TRIO: variants seen among roughly 807,000 people sequenced by gnomAD.
TRIO encodes triple functional domain protein.
In TRIO, 58 loss-of-function variants were observed where a neutral mutation model predicts 351.9. The ratio of observed to expected loss-of-function variants is 0.16; its 90% CI spans 0.13 to 0.21. The LOEUF (loss-of-function observed/expected upper bound fraction) is 0.21, where lower values mean the gene tolerates loss of function less well. TRIO is among the 10% of genes least tolerant of loss of function. The pLI is 1.00. For synonymous variants in TRIO, 1,758 were observed against 1,595.7 expected (o/e 1.10, Z -2.42); for missense variants, 3,201 against 4,027.8 (o/e 0.79, Z 5.56).
chr5:14,162,549 C>T (rs945829180), intron 1 of TRIO, among the ~76,000 whole-genome samples: 1 of 152,170 alleles, frequency 6.6e-6, no homozygotes, highest in African/African-American at 2.4e-5. Context: ...TATGTGAAAG[C>T]ATTTTAGGAG....
chr5:14,220,509 A>G (rs1190147626), intron 1 of TRIO, among the ~76,000 whole-genome samples: 2 of 152,268 alleles, frequency 1.3e-5, no homozygotes, highest in African/African-American at 4.8e-5. Context: ...CCTAGTGAAG[A>G]AGGCATGTTG....
At chr5:14,259,513 A>T (rs1051391263) in intron 1 of TRIO, among the ~76,000 whole-genome samples, 1 of 152,196 alleles carries the variant, frequency 6.6e-6, no homozygotes, top group Non-Finnish European at 1.5e-5. Flanking sequence ...AGGGTAAATA[A>T]TAGGGGCCTA....
At chr5:14,477,404 T>C (rs1755163003) in intron 41 of TRIO, 1 of 152,810 alleles carries the variant, frequency 6.5e-6, no homozygotes, top group Non-Finnish European at 1.5e-5. Context: ...ACAGGAGTTT[T>C]TGCATTTTTG....
At chr5:14,422,548 A>C (rs1360163881) in intron 34 of TRIO, among the ~76,000 whole-genome samples, 1 of 152,254 alleles carries the variant, frequency 6.6e-6, no homozygotes, top group South Asian at 2.1e-4. Context: ...CTAATTACTC[A>C]GATCAGCCAA....
At chr5:14,343,924 A>G (rs1214970420) in intron 11 of TRIO, among the ~76,000 whole-genome samples, 2 of 152,216 alleles carry the variant, frequency 1.3e-5, no homozygotes, top group African/African-American at 4.8e-5. Flanking sequence ...AGCATCTTAC[A>G]AGTCCAGGAT....
chr5:14,258,574 A>G (rs1273910684), intron 1 of TRIO, among the ~76,000 whole-genome samples: 5 of 152,200 alleles, frequency 3.3e-5, no homozygotes, highest in African/African-American at 1.2e-4. Flanking sequence ...TCAGCTTTGC[A>G]GAGTCTTTTA....
intron 1 of TRIO, among the ~76,000 whole-genome samples, chr5:14,219,804 A>G (rs920403719): frequency 1.3e-5 from 2 of 152,148 alleles, no homozygotes; most frequent in Non-Finnish European, 2.9e-5. Flanking sequence ...TGGAGGAGGT[A>G]AAATAGATCA....
Position 14,445,437 on chromosome 5 carries a change from C to T in TRIO, c.5204-15582C>T, listed in dbSNP as rs372293040. ...AGCACCCTTAGGCAGCCACTAATCA[C>T]GTTGGACACATCTTCTAGTCTGTTT... is the stretch of plus-strand genomic sequence containing the variant. On this transcript the variant is annotated intron_variant, in intron 34 of 56. Transcript: ENST00000344204. Among the ~76,000 whole-genome samples the T allele has an allele frequency of 1.1e-4, 16 of 152,310 alleles. No individual in the cohort carries two copies. The South Asian group carries it at 2.9e-3, about 28-fold the overall frequency.
intron 36 of TRIO, among the ~76,000 whole-genome samples, chr5:14,463,689 T>C (rs1754001864): frequency 6.6e-6 from 1 of 151,232 alleles, no homozygotes; most frequent in South Asian, 2.1e-4. Context: ...TTTTTTTTTT[T>C]GGCAGTAACT....
In TRIO at chr5:14,143,712, G is replaced by T; in HGVS notation, c.-14G>T. The T allele has an allele frequency of 1.0e-6, 1 of 974,640 alleles. No homozygotes were observed. The highest frequency in any genetic ancestry group is 1.2e-6 in the Non-Finnish European group (1 of 823,978). The allele number at this position is 974,640 out of a possible 1,614,324, so 60.4% of individuals were successfully genotyped here. A position where few individuals can be genotyped will look rare whatever the true frequency, so the allele number is the denominator to read the frequency against. Reference sequence around the variant, plus strand: ...GGGCCCGAGGCGGGCGCGGCCGCGGGCGCCGCCGCAGCCATGAGCGGCAGC... The same window carrying T: ...GGGCCCGAGGCGGGCGCGGCCGCGGTCGCCGCCGCAGCCATGAGCGGCAGC... On this transcript the variant is annotated 5_prime_UTR_variant, in exon 1 of 57. Coordinates refer to ENST00000344204, the MANE Select transcript of TRIO (RefSeq NM_007118.4).
rs79156226 is a variant in TRIO, at chr5:14,303,446, A to G, written c.1369-1015A>G. 2.1e-3 allele frequency among the ~76,000 whole-genome samples: 278 copies of G among 131,226 alleles called. 1 individual carries two copies. Among genetic ancestry groups the G allele is most frequent in the African/African-American group, 7.2e-3 (240 of 33,506 alleles). 86.1% of individuals were successfully genotyped at this position (131,226 alleles called of 152,430 possible). A position where few individuals can be genotyped will look rare whatever the true frequency, so the allele number is the denominator to read the frequency against. ...GGGTGTCAGTGGAGGAGATTGAGCC[A>G]GGATTGGGATGGCTGCCGCAGGACT... On this transcript the variant is annotated intron_variant, in intron 7 of 56. Coordinates refer to ENST00000344204, the MANE Select transcript of TRIO (RefSeq NM_007118.4).
rs146191276 is a variant in TRIO at position 14,315,512 on chromosome 5, A to G, written c.1501-1001A>G. On this transcript the variant is annotated intron_variant, in intron 8 of 56. Coordinates refer to ENST00000344204, the MANE Select transcript of TRIO (RefSeq NM_007118.4). ...GTGATCCGCCTGCCTCGGCCTCCCA[A>G]AGTGCTGGGATTACAGGCGAGAGAC... Among the ~76,000 whole-genome samples the G allele has an allele frequency of 7.1e-4, 108 of 152,178 alleles. No individual in the cohort carries two copies. The East Asian group carries it at 0.012, about 17-fold the overall frequency.
intron 7 of TRIO, 134 bp downstream of exon 7, chr5:14,297,397 C>A (rs79994508): frequency 1.8e-6 from 2 of 1,083,982 alleles, no homozygotes; most frequent in African/African-American, 3.2e-5. Context: ...AGTCACTTGG[C>A]CCTGAGTTTA....
At chr5:14,430,792 C>T (rs1053271227) in intron 34 of TRIO, among the ~76,000 whole-genome samples, 8 of 152,090 alleles carry the variant, frequency 5.3e-5, no homozygotes, top group Admixed American at 2.0e-4. Context: ...CCCGGCTCAC[C>T]GCAATCTCCG....
intron 1 of TRIO, among the ~76,000 whole-genome samples, chr5:14,210,093 T>C (rs1213266108): frequency 1.3e-5 from 2 of 152,188 alleles, no homozygotes; most frequent in African/African-American, 4.8e-5. Context: ...GTGCAGGGTA[T>C]GGCGCCCCAG....
intron 20 of TRIO, among the ~76,000 whole-genome samples, chr5:14,379,789 G>A (rs1579480583): frequency 2.6e-5 from 4 of 152,320 alleles, no homozygotes; most frequent in Non-Finnish European, 4.4e-5. Flanking sequence ...CTTATTCACC[G>A]AAAATAAAAT....
At chr5:14,326,962 T>C (rs1740446556) in intron 9 of TRIO, among the ~76,000 whole-genome samples, 1 of 152,194 alleles carries the variant, frequency 6.6e-6, no homozygotes, top group African/African-American at 2.4e-5. Flanking sequence ...AAATTATCAT[T>C]GGAATTTGTA....
intron 35 of TRIO, among the ~76,000 whole-genome samples, chr5:14,462,469 A>G (rs770738092): frequency 6.6e-6 from 1 of 152,216 alleles, no homozygotes; most frequent in African/African-American, 2.4e-5. Flanking sequence ...GCCTTTTTAA[A>G]AATTGGCTTC....
At chr5:14,476,995 C>G in intron 41 of TRIO, 32 bp downstream of exon 41, 1 of 1,578,460 alleles carries the variant, frequency 6.3e-7, no homozygotes, top group Non-Finnish European at 8.7e-7. Flanking sequence ...ATATCCTGTT[C>G]TGATGGTGTC....
Sources: gnomAD v4.1 joint callset for allele counts (sites outside exome capture counted in the v4.1 genomes callset) on GRCh38, gnomAD v4.1.1 for gene constraint, MANE v1.5 for transcripts, NCBI Gene and HGNC (gene_info 2026-07-23, HGNC 2026-07-21) for gene names.